Variants in MLLT10 observed in about 807,000 individuals in gnomAD.
MLLT10 encodes the protein protein AF-10.
Under a neutral mutation model 129.1 loss-of-function variants are expected in MLLT10, and 30 were observed. That is an observed-to-expected ratio of 0.23 (90% CI 0.17 to 0.32). The LOEUF is 0.32. MLLT10 is among the 10% of genes least tolerant of loss of function. The probability of loss-of-function intolerance (pLI) is 1.00; values close to 1 mark genes in which losing one functional copy is unlikely to be tolerated. For missense variants in MLLT10, 1,119 were observed against 1,268.3 expected (o/e 0.88, Z 1.79); for synonymous variants, 490 against 446.4 (o/e 1.10, Z -1.23).
intron 20 of MLLT10, among the ~76,000 whole-genome samples, chr10:21,734,776 T>G (rs2058227259): frequency 6.6e-6 from 1 of 152,120 alleles, no homozygotes; most frequent in Admixed American, 6.5e-5. Context: ...ATGTTTGGAT[T>G]CTTTGTTTCA....
chr10:21,609,790 T>C (rs1655847210), intron 5 of MLLT10, among the ~76,000 whole-genome samples: 1 of 152,222 alleles, frequency 6.6e-6, no homozygotes, highest in Non-Finnish European at 1.5e-5. Context: ...ATTCAGGTAC[T>C]CTTTATTAGT....
intron 5 of MLLT10, among the ~76,000 whole-genome samples, chr10:21,599,541 C>T (rs2043326823): frequency 6.6e-6 from 1 of 151,990 alleles, no homozygotes; most frequent in Non-Finnish European, 1.5e-5. Context: ...CAGACAGAAA[C>T]CTGACTCTTA....
intron 10 of MLLT10, among the ~76,000 whole-genome samples, chr10:21,671,237 G>C (rs564026652): frequency 6.6e-6 from 1 of 152,164 alleles, no homozygotes; most frequent in African/African-American, 2.4e-5. Flanking sequence ...GGCTGGTCTC[G>C]AACTGCTGAT....
chr10:21,611,298 C>A (rs1438078654), intron 5 of MLLT10, among the ~76,000 whole-genome samples: 1 of 151,712 alleles, frequency 6.6e-6, no homozygotes, highest in Non-Finnish European at 1.5e-5. Flanking sequence ...TGTGAGCCAC[C>A]ACGCCCAGAG....
At chr10:21,583,282 T>C (rs2041657991) in intron 3 of MLLT10, among the ~76,000 whole-genome samples, 1 of 152,176 alleles carries the variant, frequency 6.6e-6, no homozygotes, top group Admixed American at 6.5e-5. Context: ...TATAATTTAG[T>C]TGGTAATGGA....
chr10:21,567,547 A>G (rs1225893511), intron 3 of MLLT10, among the ~76,000 whole-genome samples: 1 of 152,086 alleles, frequency 6.6e-6, no homozygotes, highest in Non-Finnish European at 1.5e-5. Flanking sequence ...TAGGGAGTGG[A>G]TGCTCATTAA....
chr10:21,615,452 C>T (rs1404045504), intron 7 of MLLT10, among the ~76,000 whole-genome samples: 1 of 111,726 alleles, frequency 9.0e-6, no homozygotes, highest in South Asian at 2.8e-4. Flanking sequence ...AGTGAGACTC[C>T]GTCTCAAAAA....
intron 3 of MLLT10, among the ~76,000 whole-genome samples, chr10:21,565,479 T>A (rs560921714): frequency 6.6e-6 from 1 of 152,234 alleles, no homozygotes; most frequent in African/African-American, 2.4e-5. Flanking sequence ...GGTTAATTTT[T>A]TATATTTTTA....
chr10:21,600,603 A>G (rs1053721586), intron 5 of MLLT10, among the ~76,000 whole-genome samples: 2 of 152,194 alleles, frequency 1.3e-5, no homozygotes, highest in Non-Finnish European at 2.9e-5. Context: ...GCATTTGTCT[A>G]TATCTAATAA....
intron 8 of MLLT10, among the ~76,000 whole-genome samples, chr10:21,629,253 C>T (rs945671764): frequency 1.3e-5 from 2 of 152,014 alleles, no homozygotes; most frequent in Admixed American, 6.6e-5. Flanking sequence ...GTATCATTTT[C>T]TTTTTCTGAC....
At chr10:21,585,967 G>C (rs1026624129) in intron 3 of MLLT10, among the ~76,000 whole-genome samples, 9 of 152,112 alleles carry the variant, frequency 5.9e-5, no homozygotes, top group Non-Finnish European at 2.9e-5. Context: ...CTGCATGTTG[G>C]TCAGGCTGGT....
chr10:21,606,020 C>T (rs2044026693), intron 5 of MLLT10, among the ~76,000 whole-genome samples: 1 of 151,986 alleles, frequency 6.6e-6, no homozygotes, highest in African/African-American at 2.4e-5. Flanking sequence ...CACTTAGTGA[C>T]TCTTTGTCCC....
chr10:21,654,686 ATC>A (rs2049377728), intron 9 of MLLT10, among the ~76,000 whole-genome samples: 1 of 152,194 alleles, frequency 6.6e-6, no homozygotes, highest in African/African-American at 2.4e-5. Flanking sequence ...ATTCTTGTCC[ATC>A]TCTATGGACG....
chr10:21,570,845 G>A (rs1414243816), intron 3 of MLLT10, among the ~76,000 whole-genome samples: 1 of 151,622 alleles, frequency 6.6e-6, no homozygotes, highest in Admixed American at 6.6e-5. Flanking sequence ...TTCATTATGG[G>A]GTGTAACTTC....
At chr10:21,668,886 G>A (rs1017153772) in intron 9 of MLLT10, 118 of 1,160,634 alleles carry the variant, frequency 1.0e-4, no homozygotes, top group Non-Finnish European at 1.3e-4. Flanking sequence ...ACACCACTGT[G>A]TTTTCTTAGA....
At chr10:21,627,040 ATT>A (rs1259531109) in intron 8 of MLLT10, among the ~76,000 whole-genome samples, 1 of 149,488 alleles carries the variant, frequency 6.7e-6, no homozygotes, top group African/African-American at 2.4e-5. Flanking sequence ...AGTAGGATTA[ATT>A]TTTTTTTTTA....
At chr10:21,681,832 T>A (rs1054086315) in intron 12 of MLLT10, among the ~76,000 whole-genome samples, 2 of 152,214 alleles carry the variant, frequency 1.3e-5, no homozygotes, top group African/African-American at 4.8e-5. Flanking sequence ...TTTTTCTTTA[T>A]AATAAATATT....
intron 3 of MLLT10, among the ~76,000 whole-genome samples, chr10:21,567,965 G>A (rs1416123452): frequency 6.6e-6 from 1 of 151,860 alleles, no homozygotes; most frequent in Non-Finnish European, 1.5e-5. Flanking sequence ...GATCATAGGC[G>A]CCTTCCAACA....
chr10:21,541,863 A>C (rs2035221516), intron 3 of MLLT10, among the ~76,000 whole-genome samples: 1 of 152,180 alleles, frequency 6.6e-6, no homozygotes, highest in Non-Finnish European at 1.5e-5. Flanking sequence ...GTGTGTGAGA[A>C]TGCACTTTAA....
Sources: allele counts gnomAD v4.1 joint callset (sites outside exome capture counted in the v4.1 genomes callset), GRCh38; gene constraint gnomAD v4.1.1; transcripts MANE v1.5; gene names NCBI Gene and HGNC (gene_info 2026-07-23, HGNC 2026-07-21).